MTHFD2L: variants seen among roughly 807,000 people sequenced by gnomAD.
MTHFD2L encodes the protein methylenetetrahydrofolate dehydrogenase (NADP+ dependent) 2 like, also known as bifunctional methylenetetrahydrofolate dehydrogenase/cyclohydrolase 2, mitochondrial.
MTHFD2L carries 29 observed loss-of-function variants against 34.9 expected under a neutral mutation model. The observed-to-expected ratio is 0.83, with a 90% CI of 0.62 to 1.13. MTHFD2L has a LOEUF of 1.13. Among genes scored for constraint, MTHFD2L ranks in the 50% most tolerant of loss-of-function variants. The probability of loss-of-function intolerance (pLI) is 0.00; values close to 1 mark genes in which losing one functional copy is unlikely to be tolerated. For synonymous variants in MTHFD2L, 167 were observed against 155.7 expected, an observed-to-expected ratio of 1.07 and a Z score of -0.54; for missense variants, 481 against 446.5, an observed-to-expected ratio of 1.08 and a Z score of -0.70.
intron 1 of MTHFD2L, among the ~76,000 whole-genome samples, chr4:74,135,758 C>T (rs1054618595): frequency 7.2e-5 from 11 of 151,748 alleles, no homozygotes; most frequent in African/African-American, 2.7e-4. Flanking sequence ...AAATCTTCAG[C>T]AAAATACTCA....
At chr4:74,225,241 G>C (rs1301028343) in intron 5 of MTHFD2L, 61 bp from the exon 6 acceptor site, 2 of 1,241,796 alleles carry the variant, frequency 1.6e-6, no homozygotes, top group Admixed American at 3.8e-5. Context: ...TCTGGATTTA[G>C]AGCATTTATA....
chr4:74,208,663 G>A (rs1310624292), intron 5 of MTHFD2L, among the ~76,000 whole-genome samples: 1 of 152,124 alleles, frequency 6.6e-6, no homozygotes, highest in African/African-American at 2.4e-5. Context: ...AAGGATTCCG[G>A]TTAACAGGCC....
chr4:74,269,498 T>C (rs556406758), intron 6 of MTHFD2L, among the ~76,000 whole-genome samples: 1 of 151,972 alleles, frequency 6.6e-6, no homozygotes, highest in South Asian at 2.1e-4. Context: ...CAGGAAATGT[T>C]TCTATAAAAT....
chr4:74,121,123 C>T (rs1470788497), upstream of MTHFD2L, among the ~76,000 whole-genome samples: 1 of 152,202 alleles, frequency 6.6e-6, no homozygotes. Flanking sequence ...TGCATGATCA[C>T]CTGTCTCAGC....
chr4:74,131,893 C>T (rs956491335), intron 1 of MTHFD2L, among the ~76,000 whole-genome samples: 1 of 151,768 alleles, frequency 6.6e-6, no homozygotes, highest in African/African-American at 2.4e-5. Flanking sequence ...ACAAGAAAAA[C>T]AAACAAACAT....
chr4:74,176,487 T>C (rs911955036), intron 3 of MTHFD2L, among the ~76,000 whole-genome samples: 7 of 152,054 alleles, frequency 4.6e-5, no homozygotes, highest in Non-Finnish European at 8.8e-5. Flanking sequence ...CTGTCTGTTA[T>C]CCACTTTTGT....
intron 1 of MTHFD2L, chr4:74,143,543 T>A (rs1282047650): frequency 2.0e-5 from 11 of 538,258 alleles, no homozygotes; most frequent in Non-Finnish European, 2.6e-5. Flanking sequence ...GGAACCCATG[T>A]CAGCCAAAGC....
At chr4:74,158,064 G>A (rs1158724512), upstream of MTHFD2L, 12 of 1,530,170 alleles carry the variant, frequency 7.8e-6, no homozygotes, top group East Asian at 2.9e-4. Flanking sequence ...GGTGAGGGCG[G>A]AGCCAGGCCT....
chr4:74,219,189 T>A (rs1737726803), intron 5 of MTHFD2L, among the ~76,000 whole-genome samples: 1 of 152,142 alleles, frequency 6.6e-6, no homozygotes, highest in African/African-American at 2.4e-5. Flanking sequence ...GCAGGTGCCC[T>A]GGAACCAGTC....
rs529468421 is a variant in MTHFD2L, at chr4:74,200,037, A to G, written c.604+91A>G. The G allele has an allele frequency of 2.2e-5, 25 of 1,149,100 alleles. No homozygotes were observed. In the African/African-American group the frequency reaches 2.5e-4, roughly 11 times the overall value. The allele number at this position is 1,149,100 out of a possible 1,614,324, so 71.2% of individuals were successfully genotyped here. A position where few individuals can be genotyped will look rare whatever the true frequency, so the allele number is the denominator to read the frequency against. ...CTTGATGGGACTACCTCAGTCCTAT[A>G]GAGTGACAGAAAATCATAATCCATA... On this transcript the variant is annotated intron_variant, in intron 4 of 7. Transcript: ENST00000325278.
chr4:74,154,935 ACT>A (rs1306348422), upstream of MTHFD2L, among the ~76,000 whole-genome samples: 1 of 152,110 alleles, frequency 6.6e-6, no homozygotes, highest in Non-Finnish European at 1.5e-5. Flanking sequence ...GATGTTCCCA[ACT>A]CTAATCCATT....
intron 1 of MTHFD2L, among the ~76,000 whole-genome samples, chr4:74,145,394 AT>A (rs1377509528): frequency 6.6e-6 from 1 of 152,212 alleles, no homozygotes; most frequent in African/African-American, 2.4e-5. Context: ...ACCATTTTAT[AT>A]AAAAAGACTT....
At chr4:74,301,320 T>C (rs1252724364) in intron 7 of MTHFD2L, among the ~76,000 whole-genome samples, 4 of 152,104 alleles carry the variant, frequency 2.6e-5, no homozygotes, top group African/African-American at 9.7e-5. Context: ...TGCTCAACTT[T>C]CTATATTCTA....
At chr4:74,186,545 T>G (rs1179304378) in intron 3 of MTHFD2L, among the ~76,000 whole-genome samples, 1 of 151,812 alleles carries the variant, frequency 6.6e-6, no homozygotes, top group Non-Finnish European at 1.5e-5. Context: ...CTGTATACTT[T>G]CAACCAGATA....
intron 3 of MTHFD2L, among the ~76,000 whole-genome samples, chr4:74,178,839 T>C (rs547786032): frequency 6.6e-6 from 1 of 152,154 alleles, no homozygotes; most frequent in Admixed American, 6.6e-5. Context: ...ATTTGAGGCG[T>C]GAAGAGGGTA....
Position 74,267,256 on chromosome 4 carries a change from T to C in MTHFD2L, c.806-14169T>C, listed in dbSNP as rs887671279. ...TTCCCCAAGTGCATTGGTGTCTGTT[T>C]GCAGGAAATACATTTCTTTTTTCTA... On this transcript the variant is annotated intron_variant, in intron 6 of 7. Coordinates refer to ENST00000325278, the MANE Select transcript of MTHFD2L (RefSeq NM_001144978.3). The C allele has an allele frequency of 4.1e-6, 4 of 984,102 alleles. No individual in the cohort carries two copies. The African/African-American group carries it at 7.0e-5, about 17-fold the overall frequency. 61.0% of individuals were successfully genotyped at this position (984,102 alleles called of 1,614,324 possible).
At chr4:74,158,001 G>A (rs1724482220), upstream of MTHFD2L, 1 of 1,319,520 alleles carries the variant, frequency 7.6e-7, no homozygotes, top group Non-Finnish European at 1.1e-6. Context: ...ACCCCACTCT[G>A]CGTGTCTGCC....
At chr4:74,282,582 T>C (rs1340112552) in intron 7 of MTHFD2L, among the ~76,000 whole-genome samples, 13 of 152,096 alleles carry the variant, frequency 8.5e-5, no homozygotes, top group Admixed American at 5.9e-4. Flanking sequence ...TGGCCCTATA[T>C]ATGTGAGATT....
chr4:74,204,645 A>G (rs992640018), intron 5 of MTHFD2L, among the ~76,000 whole-genome samples: 2 of 152,188 alleles, frequency 1.3e-5, no homozygotes, highest in Admixed American at 1.3e-4. Flanking sequence ...ATAGGTATCA[A>G]TATATTGCAT....
Sources: allele counts gnomAD v4.1 joint callset (sites outside exome capture counted in the v4.1 genomes callset), GRCh38; gene constraint gnomAD v4.1.1; transcripts MANE v1.5; gene names NCBI Gene and HGNC (gene_info 2026-07-23, HGNC 2026-07-21).